RICTOR: variants seen among roughly 807,000 people sequenced by gnomAD.
RICTOR encodes RPTOR independent companion of MTOR complex 2, also known as rapamycin-insensitive companion of mTOR.
In RICTOR, 49 loss-of-function variants were observed where a neutral mutation model predicts 214.9. The observed-to-expected ratio is 0.23, with a 90% confidence interval of 0.18 to 0.29. RICTOR has a LOEUF of 0.29. Among genes scored for constraint, RICTOR ranks in the 10% least tolerant of loss-of-function variants. The probability of loss-of-function intolerance (pLI) is 1.00; values close to 1 mark genes in which losing one functional copy is unlikely to be tolerated. For synonymous variants in RICTOR, 717 were observed against 711.3 expected (o/e 1.01, Z -0.13); for missense variants, 1,625 against 2,047.0 (o/e 0.79, Z 3.98).
At chr5:38,982,086 A>T in intron 7 of RICTOR, 50 bp from the exon 8 acceptor site, 3 of 1,378,282 alleles carry the variant, frequency 2.2e-6, no homozygotes, top group African/African-American at 2.9e-5. Flanking sequence ...TATTAAAAGT[A>T]ATAAAAAATC....
chr5:39,044,076 T>C (rs1255551636), intron 2 of RICTOR, among the ~76,000 whole-genome samples: 2 of 152,208 alleles, frequency 1.3e-5, no homozygotes, highest in Non-Finnish European at 2.9e-5. Context: ...ACACAATGTA[T>C]ACACATATCA....
At chr5:38,978,796 A>G (rs1026714315) in intron 8 of RICTOR, 146 bp from the exon 9 acceptor site, 1 of 493,448 alleles carries the variant, frequency 2.0e-6, no homozygotes, top group Non-Finnish European at 3.6e-6. Context: ...TCATCAGGGA[A>G]TATGTTTGGT....
intron 14 of RICTOR, 47 bp downstream of exon 14, chr5:38,967,114 T>C (rs1750298817): frequency 7.1e-7 from 1 of 1,400,558 alleles, no homozygotes; most frequent in Non-Finnish European, 1.0e-6. Flanking sequence ...AAGAATCTGT[T>C]AGAGAAAATA....
Position 38,991,034 on chromosome 5 carries a change from G to A in RICTOR, c.498C>T (p.Thr166=). 1 of 1,599,322 alleles carries A rather than the reference G, an allele frequency of 6.3e-7. No homozygotes were observed. The highest frequency in any genetic ancestry group is 8.5e-7 in the Non-Finnish European group (1 of 1,170,504). ...CATTTCCAACTGCAATTAATGAGTT[G>A]GTCACAGAACTAGGAAACAAGGAAG... ...VNASLFPSSV[T]NSLIAVGNDG... The change falls in exon 7 of 38, where the codon ACC becomes ACT. Residue 166 remains threonine (T), a synonymous_variant. Coordinates refer to ENST00000357387, the MANE Select transcript of RICTOR (RefSeq NM_152756.5).
At chr5:39,022,775 T>C (rs929924450) in intron 2 of RICTOR, among the ~76,000 whole-genome samples, 1 of 152,168 alleles carries the variant, frequency 6.6e-6, no homozygotes, top group African/African-American at 2.4e-5. Context: ...CTCAAGATGC[T>C]TTCCTGAGCA....
chr5:39,024,263 A>C (rs573018080), intron 2 of RICTOR, among the ~76,000 whole-genome samples: 1 of 152,314 alleles, frequency 6.6e-6, no homozygotes, highest in East Asian at 1.9e-4. Flanking sequence ...GTACCAGTCC[A>C]GGCTCAGGGG....
Position 38,962,536 on chromosome 5 carries a change from T to C in RICTOR, c.1617A>G (p.Gln539=), listed in dbSNP as rs192636380. The change falls in exon 18 of 38, where the codon CAA becomes CAG. Residue 539 remains glutamine, a synonymous_variant. Transcript: ENST00000357387. ...AATTCCATTCAAGATTCTCTTTATGTTGAAGGACTTGGCTATCTCTAAGGT... is the reference window on the plus strand; with the variant it reads ...AATTCCATTCAAGATTCTCTTTATGCTGAAGGACTTGGCTATCTCTAAGGT... The part of the protein sequence containing the change: ...LINLRDSQVL[Q]HKENLEWNWN... The C allele has an allele frequency of 2.0e-5, 32 of 1,587,116 alleles. No individual in the cohort carries two copies. In the African/African-American group the frequency reaches 3.1e-4, roughly 15 times the overall value.
intron 2 of RICTOR, among the ~76,000 whole-genome samples, chr5:39,069,445 A>G (rs548398962): frequency 6.6e-6 from 1 of 152,302 alleles, no homozygotes; most frequent in African/African-American, 2.4e-5. Flanking sequence ...TCTTGAGGAA[A>G]CAGTATTAGA....
At position 38,955,696 on chromosome 5, in the gene RICTOR, G is replaced by A. The variant is rs768485140; in HGVS notation, c.2508C>T (p.Asn836=). 1.9e-6 allele frequency: 3 copies of A among 1,541,298 alleles called. No homozygotes were observed. The South Asian group carries it at 3.3e-5, about 17-fold the overall frequency. The change falls in exon 26 of 38, where the codon AAC becomes AAT. Residue 836 remains asparagine, a synonymous_variant. Coordinates refer to ENST00000357387, the MANE Select transcript of RICTOR (RefSeq NM_152756.5). ...KQLEKWHREY[N]SKYVDLIEEQ... is the part of the protein sequence containing the mutation. Reference sequence around the variant, plus strand: ...CCTCAATCAAGTCAACATATTTGGAGTTGTATTCCTAGAGGATAATATTGT... The same window carrying A: ...CCTCAATCAAGTCAACATATTTGGAATTGTATTCCTAGAGGATAATATTGT...
chr5:38,938,605 T>C lies in RICTOR; in HGVS notation c.*3699A>G, dbSNP rs1366318550. The C allele has an allele frequency of 4.3e-6, 1 of 232,710 alleles. No individual in the cohort carries two copies. The highest frequency in any genetic ancestry group is 8.5e-6 in the Non-Finnish European group (1 of 117,726). The allele number at this position is 232,710 out of a possible 1,614,324, so 14.4% of individuals were successfully genotyped here. A position where few individuals can be genotyped will look rare whatever the true frequency, so the allele number is the denominator to read the frequency against. On this transcript the variant is annotated 3_prime_UTR_variant, in exon 38 of 38. Coordinates refer to ENST00000357387, the MANE Select transcript of RICTOR (RefSeq NM_152756.5). ...AAAAATACTCCAAACAGGAAAAAAG[T>C]CCACATTCTGTGAGTCATATAAACC...
intron 30 of RICTOR, among the ~76,000 whole-genome samples, chr5:38,951,844 T>G (rs932877396): frequency 3.3e-5 from 5 of 152,008 alleles, no homozygotes; most frequent in African/African-American, 1.2e-4. Flanking sequence ...ACAATCTCAG[T>G]ATCTGAAAAA....
At position 38,940,176 on chromosome 5, in the gene RICTOR, C is replaced by T. The variant is rs1747404474; in HGVS notation, c.*2128G>A. 4.6e-6 allele frequency: 1 copy of T among 215,302 alleles called. No homozygotes were observed. The highest frequency in any genetic ancestry group is 9.1e-6 in the Non-Finnish European group (1 of 110,248). 13.3% of individuals were successfully genotyped at this position (215,302 alleles called of 1,614,324 possible). The stretch of plus-strand genomic sequence containing the variant: ...AAAACACAAAACATTCAGGCCAATA[C>T]TAACTAAGCCTTATTTCAGGATAGA... On this transcript the variant is annotated 3_prime_UTR_variant, in exon 38 of 38. Coordinates refer to ENST00000357387, the MANE Select transcript of RICTOR (RefSeq NM_152756.5).
rs1554057795 is a variant in RICTOR, at chr5:38,940,153, A to AAAC, written c.*2150_*2151insGTT. On this transcript the variant is annotated 3_prime_UTR_variant, in exon 38 of 38. Coordinates refer to ENST00000357387, the MANE Select transcript of RICTOR (RefSeq NM_152756.5). The stretch of plus-strand genomic sequence containing the variant: ...AGTAAAAAAAAAAAACAAAAAAAAA[A>AAAC]ACACAAAACATTCAGGCCAATACTA... 3.5e-5 allele frequency: 8 copies of AAAC among 228,896 alleles called. No individual in the cohort carries two copies. The highest frequency in any genetic ancestry group is 1.3e-4 in the African/African-American group (6 of 44,536). 14.2% of individuals were successfully genotyped at this position (228,896 alleles called of 1,614,324 possible).
rs1422228902 is a variant in RICTOR, at chr5:38,949,553, A to G, written c.4136+159T>C. 3 of 1,063,944 alleles carry G rather than the reference A, an allele frequency of 2.8e-6. No homozygotes were observed. The South Asian group carries it at 4.9e-5, about 17-fold the overall frequency. 65.9% of individuals were successfully genotyped at this position (1,063,944 alleles called of 1,614,324 possible). ...CTCGCAGCTGCAAGAATCCATTTCAAGTCATATCGGGTAACAAGGAGCTTA... is the reference window on the plus strand; with the variant it reads ...CTCGCAGCTGCAAGAATCCATTTCAGGTCATATCGGGTAACAAGGAGCTTA... On this transcript the variant is annotated intron_variant, in intron 31 of 37. Coordinates refer to ENST00000357387, the MANE Select transcript of RICTOR (RefSeq NM_152756.5).
chr5:38,954,853 C>A lies in RICTOR; in HGVS notation c.2618G>T (p.Arg873Leu). Residue 873 changes from arginine to leucine, a missense_variant, in exon 27 of 38, where the codon CGT becomes CTT. Arg to Leu is a moderately radical substitution (Grantham distance 102). Coordinates refer to ENST00000357387, the MANE Select transcript of RICTOR (RefSeq NM_152756.5). ...GTGTATAGGCAGGTAGACGTGAGGA[C>A]GCTGTAATCTAGTATAATAAAGATG... The part of the protein sequence containing the change: ...YVRRSNQRLQ[R>L]PHVYLPIHLY... The A allele has an allele frequency of 6.4e-7, 1 of 1,558,558 alleles. No individual in the cohort carries two copies. Among genetic ancestry groups the A allele is most frequent in the Non-Finnish European group, 8.8e-7 (1 of 1,131,676 alleles).
intron 3 of RICTOR, among the ~76,000 whole-genome samples, chr5:39,013,694 A>G (rs1031108793): frequency 6.6e-6 from 1 of 152,048 alleles, no homozygotes; most frequent in Non-Finnish European, 1.5e-5. Flanking sequence ...TTTACATGGC[A>G]ATTTAGACAC....
chr5:38,987,375 C>T (rs1752254079), intron 7 of RICTOR, among the ~76,000 whole-genome samples: 1 of 152,060 alleles, frequency 6.6e-6, no homozygotes, highest in Non-Finnish European at 1.5e-5. Flanking sequence ...GGTTGGTAGA[C>T]TATTAATTAC....
intron 2 of RICTOR, among the ~76,000 whole-genome samples, chr5:39,069,284 T>C (rs891809154): frequency 2.6e-5 from 4 of 152,178 alleles, no homozygotes; most frequent in Admixed American, 6.5e-5. Context: ...TTTTGTAATA[T>C]TGTCGTTATC....
intron 2 of RICTOR, among the ~76,000 whole-genome samples, chr5:39,043,823 G>A (rs1373873166): frequency 1.3e-5 from 2 of 152,070 alleles, no homozygotes; most frequent in African/African-American, 4.8e-5. Context: ...GAAGCGACCT[G>A]AGCTAGCACA....
Sources: allele counts gnomAD v4.1 joint callset (sites outside exome capture counted in the v4.1 genomes callset), GRCh38; gene constraint gnomAD v4.1.1; transcripts MANE v1.5; gene names NCBI Gene and HGNC (gene_info 2026-07-23, HGNC 2026-07-21).